The following SERGEF variants were observed in gnomAD, a reference collection of about 807,000 sequenced individuals.
SERGEF encodes secretion-regulating guanine nucleotide exchange factor.
In SERGEF, 51 loss-of-function variants were observed where a neutral mutation model predicts 50.0. That is an observed-to-expected ratio of 1.02 (90% CI 0.81 to 1.29). The LOEUF is 1.29. Ranked by LOEUF, SERGEF falls within the 50% of genes most tolerant of loss-of-function variation. The pLI, the probability that SERGEF is intolerant of heterozygous loss-of-function variation, is 0.00. For synonymous variants in SERGEF, 205 were observed against 212.4 expected (o/e 0.97, Z 0.30); for missense variants, 521 against 557.0 (o/e 0.94, Z 0.65).
intron 10 of SERGEF, among the ~76,000 whole-genome samples, chr11:17,873,560 A>G (rs1282093332): frequency 6.6e-6 from 1 of 152,224 alleles, no homozygotes; most frequent in Non-Finnish European, 1.5e-5. Flanking sequence ...CATACATATT[A>G]TAAAGGTACA....
intron 10 of SERGEF, among the ~76,000 whole-genome samples, chr11:17,840,742 T>A (rs1378288278): frequency 6.6e-6 from 1 of 152,144 alleles, no homozygotes; most frequent in Non-Finnish European, 1.5e-5. Flanking sequence ...GTTCCCTTGA[T>A]GAAAAGTCAG....
intron 9 of SERGEF, among the ~76,000 whole-genome samples, chr11:17,912,175 G>T (rs1016971216): frequency 5.3e-5 from 8 of 152,162 alleles, no homozygotes; most frequent in African/African-American, 1.7e-4. Context: ...AAGAAGAGAA[G>T]ATGGTGAAGG....
intron 9 of SERGEF, among the ~76,000 whole-genome samples, chr11:17,923,438 C>T (rs923951627): frequency 2.6e-5 from 4 of 152,178 alleles, no homozygotes; most frequent in Non-Finnish European, 4.4e-5. Flanking sequence ...GATGGAAATG[C>T]TCCAGGAAAC....
intron 9 of SERGEF, among the ~76,000 whole-genome samples, chr11:17,934,834 C>T (rs574721157): frequency 3.9e-5 from 6 of 152,334 alleles, no homozygotes; most frequent in Middle Eastern, 3.4e-3. Flanking sequence ...TACAATTCCA[C>T]CACCTAATAC....
intron 9 of SERGEF, among the ~76,000 whole-genome samples, chr11:17,890,610 G>A (rs184102955): frequency 6.6e-6 from 1 of 152,160 alleles, no homozygotes; most frequent in Non-Finnish European, 1.5e-5. Flanking sequence ...TTGTAGAGAT[G>A]GGGTCTTATG....
chr11:17,906,826 G>GA (rs56102467), intron 9 of SERGEF, among the ~76,000 whole-genome samples: 21,752 of 132,874 alleles, frequency 0.16, 1,985 homozygotes, highest in Middle Eastern at 0.29. Context: ...TATCAAATAA[G>GA]AAAAAAAAAA....
At chr11:17,795,672 T>C (rs1259439199) in intron 10 of SERGEF, among the ~76,000 whole-genome samples, 1 of 152,274 alleles carries the variant, frequency 6.6e-6, no homozygotes, top group Non-Finnish European at 1.5e-5. Context: ...CACATTGCCA[T>C]GCTCTTGCCC....
At chr11:17,793,229 T>C (rs1281879367) in intron 10 of SERGEF, among the ~76,000 whole-genome samples, 2 of 151,926 alleles carry the variant, frequency 1.3e-5, no homozygotes, top group Non-Finnish European at 2.9e-5. Context: ...AAAGAGGAGA[T>C]GGAGGGGCAG....
intron 6 of SERGEF, among the ~76,000 whole-genome samples, chr11:17,993,747 T>A (rs915609446): frequency 6.6e-6 from 1 of 152,186 alleles, no homozygotes; most frequent in Non-Finnish European, 1.5e-5. Flanking sequence ...ACAAAGCAGA[T>A]GTTTTCACCC....
intron 9 of SERGEF, among the ~76,000 whole-genome samples, chr11:17,895,004 G>A (rs1027070476): frequency 6.6e-6 from 1 of 152,152 alleles, no homozygotes; most frequent in African/African-American, 2.4e-5. Context: ...GCCCCTTCCT[G>A]TCTCCATTCT....
intron 9 of SERGEF, among the ~76,000 whole-genome samples, chr11:17,922,925 A>G (rs1852185750): frequency 6.6e-6 from 1 of 152,174 alleles, no homozygotes; most frequent in Non-Finnish European, 1.5e-5. Flanking sequence ...TTGATTTCAG[A>G]TTAAAACTGC....
At chr11:17,961,560 T>C (rs992297607) in intron 8 of SERGEF, among the ~76,000 whole-genome samples, 2 of 152,228 alleles carry the variant, frequency 1.3e-5, no homozygotes, top group Non-Finnish European at 2.9e-5. Context: ...AGCTTTCCTG[T>C]TATTGATTAT....
rs997377978 is a variant in SERGEF at position 17,884,615 on chromosome 11, C to T, written c.1012-6371G>A. ...TGGTCCCAACTGGGGAAGGCCATGG[C>T]GACACCAGAGAGGCAGCACGGCTGT... On this transcript the variant is annotated intron_variant, in intron 9 of 10. Transcript: ENST00000265965. The surrounding 1 kb of genome is among the most constrained non-coding windows in gnomAD (Gnocchi z 4.6). 2.0e-5 allele frequency among the ~76,000 whole-genome samples: 3 copies of T among 152,084 alleles called. No individual in the cohort carries two copies. The highest frequency in any genetic ancestry group is 7.2e-5 in the African/African-American group (3 of 41,408).
intron 9 of SERGEF, among the ~76,000 whole-genome samples, chr11:17,958,776 T>C (rs753706534): frequency 8.5e-5 from 13 of 152,212 alleles, no homozygotes; most frequent in Non-Finnish European, 1.8e-4. Flanking sequence ...ACACTTAAAA[T>C]TTCTGTCTTA....
chr11:17,884,654 A>C lies in SERGEF; in HGVS notation c.1012-6410T>G, dbSNP rs1324157033. Among the ~76,000 whole-genome samples the C allele has an allele frequency of 6.6e-6, 1 of 152,060 alleles. No individual in the cohort carries two copies. The highest frequency in any genetic ancestry group is 1.5e-5 in the Non-Finnish European group (1 of 68,008). ...CAGCACGGCTGTTTGCTTCTGGAAG[A>C]ACCTAGCCTTACTAAGATATCTTTA... On this transcript the variant is annotated intron_variant, in intron 9 of 10. Transcript: ENST00000265965. The surrounding 1 kb of genome is among the most constrained non-coding windows in gnomAD (Gnocchi z 4.6).
chr11:17,835,225 T>C (rs181299266), intron 10 of SERGEF, among the ~76,000 whole-genome samples: 16 of 152,294 alleles, frequency 1.1e-4, no homozygotes. Context: ...ATGTGCACAC[T>C]GTTCATTAAG....
intron 10 of SERGEF, among the ~76,000 whole-genome samples, chr11:17,797,581 TTA>T (rs1849592030): frequency 6.6e-6 from 1 of 152,162 alleles, no homozygotes; most frequent in African/African-American, 2.4e-5. Context: ...CATTTTTTTT[TTA>T]CAGTTTATTT....
At chr11:17,984,866 G>A (rs1853563784) in intron 8 of SERGEF, among the ~76,000 whole-genome samples, 1 of 152,166 alleles carries the variant, frequency 6.6e-6, no homozygotes, top group Non-Finnish European at 1.5e-5. Context: ...AGATGCTGGG[G>A]ATATGGCCAT....
intron 1 of SERGEF, chr11:18,009,948 C>T (rs1854162730): frequency 2.9e-6 from 1 of 350,750 alleles, no homozygotes; most frequent in African/African-American, 2.1e-5. Flanking sequence ...TATAAATGGC[C>T]TTATGTCCAG....
Sources: gnomAD v4.1 joint callset for allele counts (sites outside exome capture counted in the v4.1 genomes callset) on GRCh38, gnomAD v4.1.1 for gene constraint, Gnocchi (gnomAD v3.1) non-coding constraint, MANE v1.5 for transcripts, NCBI Gene and HGNC (gene_info 2026-07-23, HGNC 2026-07-21) for gene names.